The following SLC5A10 variants were observed in gnomAD, a reference collection of about 807,000 sequenced individuals.
SLC5A10 encodes the protein solute carrier family 5 member 10.
A neutral mutation model predicts 68.9 loss-of-function variants in SLC5A10; 55 were observed. That is an observed-to-expected ratio of 0.80 (90% CI 0.64 to 1.00). The LOEUF is 1.00. SLC5A10 is among the 50% of genes least tolerant of loss of function. The pLI is 0.00. For synonymous variants in SLC5A10, 344 were observed against 344.8 expected, an observed-to-expected ratio of 1.00 and a Z score of 0.02; for missense variants, 732 against 819.3, an observed-to-expected ratio of 0.89 and a Z score of 1.30.
chr17:18,978,507 C>T (rs1567791062), intron 9 of SLC5A10: 2 of 1,613,142 alleles, frequency 1.2e-6, no homozygotes, highest in East Asian at 2.2e-5. Flanking sequence ...TCGGGGAGTT[C>T]CCCTGGATGC....
chr17:19,013,169 CT>C (rs1194478958), intron 9 of SLC5A10, among the ~76,000 whole-genome samples: 1 of 152,208 alleles, frequency 6.6e-6, no homozygotes, highest in East Asian at 1.9e-4. Context: ...GGTGAGCCCC[CT>C]GGCCAAGAAG....
At chr17:18,967,761 C>T (rs1341713927) in intron 5 of SLC5A10, among the ~76,000 whole-genome samples, 3 of 152,320 alleles carry the variant, frequency 2.0e-5, no homozygotes, top group African/African-American at 7.2e-5. Context: ...CTTTCCCTTC[C>T]TGGGGCCTCA....
chr17:18,972,421 T>C (rs930591659), intron 8 of SLC5A10, among the ~76,000 whole-genome samples: 7 of 152,146 alleles, frequency 4.6e-5, no homozygotes, highest in Admixed American at 3.3e-4. Context: ...GCTCCATTCA[T>C]AGGCCAGAGC....
chr17:18,962,944 G>A (rs779644633), intron 5 of SLC5A10, among the ~76,000 whole-genome samples: 12 of 152,194 alleles, frequency 7.9e-5, no homozygotes, highest in South Asian at 2.1e-4. Context: ...GGGGGCCGGC[G>A]TGGTGGCTCA....
intron 9 of SLC5A10, among the ~76,000 whole-genome samples, chr17:18,985,240 A>G (rs1030944541): frequency 1.3e-5 from 2 of 152,176 alleles, no homozygotes; most frequent in Non-Finnish European, 2.9e-5. Context: ...TTCACTCTTC[A>G]CAGCACCCCT....
upstream of SLC5A10, chr17:18,952,000 C>T (rs1448835501): frequency 1.3e-5 from 9 of 695,126 alleles, no homozygotes; most frequent in African/African-American, 7.4e-5. Context: ...CTGACTCCTG[C>T]GCTCTGGGAT....
chr17:19,002,237 G>A (rs568172219), intron 9 of SLC5A10, among the ~76,000 whole-genome samples: 64 of 152,300 alleles, frequency 4.2e-4, no homozygotes, highest in African/African-American at 1.3e-3. Flanking sequence ...TCAGAAACCC[G>A]AAGCCTCAAA....
At chr17:18,995,126 C>T (rs1884640474) in intron 9 of SLC5A10, among the ~76,000 whole-genome samples, 2 of 152,182 alleles carry the variant, frequency 1.3e-5, no homozygotes, top group African/African-American at 2.4e-5. Flanking sequence ...TTAAAAATTA[C>T]CAGACACACA....
rs892710338 is a variant in SLC5A10, at chr17:18,996,716, AG to A, written c.983-16689del. 6.6e-6 allele frequency among the ~76,000 whole-genome samples: 1 copy of A among 152,128 alleles called. No homozygotes were observed. On this transcript the variant is annotated intron_variant, in intron 9 of 14. Coordinates refer to ENST00000395645, the MANE Select transcript of SLC5A10 (RefSeq NM_001042450.4). The surrounding 1 kb of genome is among the most constrained non-coding windows in gnomAD (Gnocchi z 4.4). The stretch of plus-strand genomic sequence containing the variant: ...GGTGATGGCCACTCCCATTTTCCAG[AG>A]GGGGTGTCACTGTCCCAGGGCCACC...
In SLC5A10 at chr17:19,022,165, T is replaced by C; in HGVS notation, c.*1734T>C. On this transcript the variant is annotated 3_prime_UTR_variant, in exon 15 of 15. Coordinates refer to ENST00000395645, the MANE Select transcript of SLC5A10 (RefSeq NM_001042450.4). ...GGTGACTGCAAGAAGAGGAGGTGGT[T>C]AGTAGGGTGCCTTCAGAAGCCCTGC... 2 of 1,376,694 alleles carry C rather than the reference T, an allele frequency of 1.5e-6. No homozygotes were observed. The highest frequency in any genetic ancestry group is 1.9e-6 in the Non-Finnish European group (2 of 1,039,938). The allele number at this position is 1,376,694 out of a possible 1,614,324, so 85.3% of individuals were successfully genotyped here.
At chr17:19,014,751 A>T (rs554173455) in intron 10 of SLC5A10, among the ~76,000 whole-genome samples, 2 of 152,272 alleles carry the variant, frequency 1.3e-5, no homozygotes, top group Non-Finnish European at 2.9e-5. Flanking sequence ...TGCAGAAAGG[A>T]CAGGCCTGAT....
At chr17:19,009,153 AG>A (rs2152148125) in intron 9 of SLC5A10, among the ~76,000 whole-genome samples, 1 of 152,056 alleles carries the variant, frequency 6.6e-6, no homozygotes, top group South Asian at 2.1e-4. Flanking sequence ...TCTTACAGCA[AG>A]GGATTGGGAG....
chr17:18,984,290 G>A (rs1207090789), intron 9 of SLC5A10, among the ~76,000 whole-genome samples: 4 of 138,928 alleles, frequency 2.9e-5, no homozygotes, highest in East Asian at 2.1e-4. Flanking sequence ...TGCAGTTCAC[G>A]CCACTGCAGT....
rs761230388 is a variant in SLC5A10, at chr17:18,959,596, C to T, written c.289-8C>T. ...ACCTGCAGTCCTCACCTGTCTCTGT[C>T]CCCATAGGCCACGTACGTGCTGCTG... On this transcript the variant is annotated splice_polypyrimidine_tract_variant and splice_region_variant and intron_variant, in intron 3 of 14. Transcript: ENST00000395645. 1 of 1,613,658 alleles carries T rather than the reference C, an allele frequency of 6.2e-7. No individual in the cohort carries two copies. The highest frequency in any genetic ancestry group is 2.2e-5 in the East Asian group (1 of 44,880).
At chr17:19,019,393 G>A (rs749834376) in intron 11 of SLC5A10, 30 bp from the exon 12 acceptor site, 5 of 1,595,034 alleles carry the variant, frequency 3.1e-6, no homozygotes, top group East Asian at 4.5e-5. Context: ...CTCCCACGAC[G>A]ACCGCTGCCT....
In SLC5A10 at chr17:18,959,203, G is replaced by C. The variant is rs779038083; in HGVS notation, c.252G>C (p.Ala84=). The C allele has an allele frequency of 2.5e-6, 4 of 1,613,452 alleles. No individual in the cohort carries two copies. Among genetic ancestry groups the C allele is most frequent in the Non-Finnish European group, 1.7e-6 (2 of 1,179,990 alleles). The change falls in exon 3 of 15, where the codon GCG becomes GCC. Residue 84 remains alanine (A), a synonymous_variant. Coordinates refer to ENST00000395645, the MANE Select transcript of SLC5A10 (RefSeq NM_001042450.4). ...TCATTGGACTGGCGGGCTCAGGCGC[G>C]GCAGGAGGTCTGGCCGTGGCAGGCT... ...GLFIGLAGSG[A]AGGLAVAGFE... is the part of the protein sequence containing the mutation.
intron 8 of SLC5A10, 74 bp from the exon 9 acceptor site, chr17:18,976,780 G>A: frequency 6.4e-7 from 1 of 1,574,302 alleles, no homozygotes; most frequent in Non-Finnish European, 8.6e-7. Context: ...CATTCCCTGA[G>A]GCCCACCAAG....
chr17:18,961,014 G>A (rs1272813187), intron 5 of SLC5A10, among the ~76,000 whole-genome samples: 2 of 152,190 alleles, frequency 1.3e-5, no homozygotes, highest in Admixed American at 6.5e-5. Context: ...AAAAGCCCAC[G>A]TGGTCTTAGC....
Position 18,971,108 on chromosome 17 carries a change from C to T in SLC5A10, c.736C>T (p.Arg246Cys), listed in dbSNP as rs2042830678. 3.7e-6 allele frequency: 6 copies of T among 1,614,004 alleles called. No individual in the cohort carries two copies. The highest frequency in any genetic ancestry group is 1.3e-5 in the African/African-American group (1 of 74,938). Residue 246 changes from arginine (R) to cysteine (C), a missense_variant, in exon 8 of 15, where the codon CGT becomes TGT. Physicochemically the swap from Arg to Cys is radical, Grantham distance 180. Transcript: ENST00000395645. The surrounding 1 kb of genome is among the most constrained non-coding windows in gnomAD (Gnocchi z 5.5). ...TIANTTCHLPRTDAMHMFRDP... is the reference protein window; with the variant it reads ...TIANTTCHLPCTDAMHMFRDP... ...TGCCAACACCACCTGCCACCTGCCA[C>T]GTACAGACGCCATGCACATGTTTCG...
Sources: gnomAD v4.1 joint callset for allele counts (sites outside exome capture counted in the v4.1 genomes callset) on GRCh38, gnomAD v4.1.1 for gene constraint, Gnocchi (gnomAD v3.1) non-coding constraint, MANE v1.5 for transcripts, NCBI Gene and HGNC (gene_info 2026-07-23, HGNC 2026-07-21) for gene names.